CALN1: variants seen among roughly 807,000 people sequenced by gnomAD.
CALN1 encodes the protein calneuron 1, also known as calcium-binding protein 8.
A neutral mutation model predicts 30.6 loss-of-function variants in CALN1; 17 were observed. The ratio of observed to expected loss-of-function variants is 0.56; its 90% CI spans 0.38 to 0.83. The LOEUF is 0.83. Ranked by LOEUF, CALN1 falls within the 40% of genes least tolerant of loss-of-function variation. The pLI, the probability that CALN1 is intolerant of heterozygous loss-of-function variation, is 0.00. For missense variants in CALN1, 291 were observed against 354.9 expected (o/e 0.82, Z 1.45); for synonymous variants, 156 against 131.4 (o/e 1.19, Z -1.28).
At chr7:72,384,676 T>C (rs192818289) in intron 2 of CALN1, among the ~76,000 whole-genome samples, 20 of 151,896 alleles carry the variant, frequency 1.3e-4, no homozygotes, top group African/African-American at 4.6e-4. Flanking sequence ...AAATGGATCA[T>C]AGGCCTTAAT....
At chr7:72,140,109 A>G (rs1809789496) in intron 3 of CALN1, among the ~76,000 whole-genome samples, 1 of 151,952 alleles carries the variant, frequency 6.6e-6, no homozygotes, top group Non-Finnish European at 1.5e-5. Flanking sequence ...TGTCTCTGCA[A>G]TAAATTTAAA....
intron 3 of CALN1, among the ~76,000 whole-genome samples, chr7:72,135,738 G>A (rs943513101): frequency 6.6e-5 from 10 of 152,164 alleles, no homozygotes; most frequent in Non-Finnish European, 2.9e-5. Flanking sequence ...CAGCTGGACT[G>A]GCCCCTCACA....
At chr7:72,406,614 GCTTT>G (rs72358208) in intron 1 of CALN1, among the ~76,000 whole-genome samples, 2 of 59,884 alleles carry the variant, frequency 3.3e-5, no homozygotes, top group Non-Finnish European at 5.8e-5. Flanking sequence ...GTCCTTGTCA[GCTTT>G]TTTTTTTTTC....
At chr7:72,130,902 G>A (rs1381972842) in intron 3 of CALN1, among the ~76,000 whole-genome samples, 1 of 151,834 alleles carries the variant, frequency 6.6e-6, no homozygotes, top group Non-Finnish European at 1.5e-5. Flanking sequence ...GGTTATTTTT[G>A]AAGAGGCAAA....
chr7:72,251,813 A>G (rs988291668), intron 3 of CALN1, among the ~76,000 whole-genome samples: 1 of 152,186 alleles, frequency 6.6e-6, no homozygotes, highest in Non-Finnish European at 1.5e-5. Context: ...TGGTTGTAAT[A>G]CAGTACCATA....
In CALN1 at chr7:72,399,180, G is replaced by C. The variant is rs866989021; in HGVS notation, c.119+4071C>G. The stretch of plus-strand genomic sequence containing the variant: ...TCTGCAGTAACGTAGGCTGACAAAT[G>C]GGAGGACAATGGGCTGCAAGGCTGG... On this transcript the variant is annotated intron_variant, in intron 2 of 6. Coordinates refer to ENST00000395275, the MANE Select transcript of CALN1 (RefSeq NM_031468.4). Among the ~76,000 whole-genome samples, 3 of 152,110 alleles carry C rather than the reference G, an allele frequency of 2.0e-5. No individual in the cohort carries two copies. The South Asian group carries it at 6.2e-4, about 32-fold the overall frequency.
intron 2 of CALN1, among the ~76,000 whole-genome samples, chr7:72,345,709 T>C (rs916527683): frequency 6.6e-6 from 1 of 152,148 alleles, no homozygotes; most frequent in Non-Finnish European, 1.5e-5. Flanking sequence ...GTTGAACCTT[T>C]TGAAATACTA....
intron 3 of CALN1, among the ~76,000 whole-genome samples, chr7:72,143,008 A>C (rs1245248991): frequency 6.6e-6 from 1 of 152,186 alleles, no homozygotes; most frequent in African/African-American, 2.4e-5. Flanking sequence ...AGGTAGATAA[A>C]ACCACAAAGA....
chr7:72,247,886 T>G (rs1369092115), intron 3 of CALN1, among the ~76,000 whole-genome samples: 1 of 152,154 alleles, frequency 6.6e-6, no homozygotes, highest in East Asian at 1.9e-4. Context: ...TAGTCCCAGC[T>G]ACTTGGAAGG....
intron 3 of CALN1, among the ~76,000 whole-genome samples, chr7:72,205,654 G>A (rs1027944343): frequency 1.4e-5 from 2 of 142,912 alleles, no homozygotes; most frequent in African/African-American, 2.6e-5. Flanking sequence ...GGTTTATAAC[G>A]TTTTCCTTTT....
chr7:72,081,943 A>G (rs1395809765), intron 4 of CALN1, among the ~76,000 whole-genome samples: 1 of 152,090 alleles, frequency 6.6e-6, no homozygotes, highest in African/African-American at 2.4e-5. Context: ...GTTTTCATTC[A>G]TGGTAGACAT....
intron 3 of CALN1, among the ~76,000 whole-genome samples, chr7:72,150,424 T>C (rs955654670): frequency 4.6e-5 from 7 of 152,150 alleles, no homozygotes; most frequent in African/African-American, 1.4e-4. Context: ...ACAAGAAGAA[T>C]GTTTCAGATG....
At chr7:71,904,415 G>A (rs1015616529) in intron 5 of CALN1, among the ~76,000 whole-genome samples, 2 of 152,210 alleles carry the variant, frequency 1.3e-5, no homozygotes, top group African/African-American at 2.4e-5. Flanking sequence ...GGAACTAGAG[G>A]ACATTGTTAA....
At chr7:72,372,795 T>C (rs754114970) in intron 2 of CALN1, among the ~76,000 whole-genome samples, 12 of 152,178 alleles carry the variant, frequency 7.9e-5, no homozygotes, top group Non-Finnish European at 1.5e-4. Flanking sequence ...AATTCTACAT[T>C]ATCCATGACC....
At chr7:72,380,730 T>C (rs1474258075) in intron 2 of CALN1, among the ~76,000 whole-genome samples, 2 of 152,034 alleles carry the variant, frequency 1.3e-5, no homozygotes, top group African/African-American at 4.8e-5. Flanking sequence ...GATACATAGA[T>C]ACATAGATAG....
chr7:71,884,862 C>A (rs917589918), intron 5 of CALN1, among the ~76,000 whole-genome samples: 4 of 152,138 alleles, frequency 2.6e-5, no homozygotes, highest in African/African-American at 9.7e-5. Context: ...ATTAACGTAG[C>A]TAGATCTTTT....
intron 3 of CALN1, among the ~76,000 whole-genome samples, chr7:72,255,800 G>A (rs924167906): frequency 8.0e-5 from 12 of 150,392 alleles, no homozygotes; most frequent in Non-Finnish European, 1.8e-4. Flanking sequence ...GCGCAATCTC[G>A]GCTCACTGCA....
At chr7:72,149,622 T>G (rs1327758354) in intron 3 of CALN1, among the ~76,000 whole-genome samples, 1 of 152,164 alleles carries the variant, frequency 6.6e-6, no homozygotes, top group Non-Finnish European at 1.5e-5. Flanking sequence ...CCCCACACTT[T>G]AGACCATGCT....
chr7:72,240,358 C>G (rs1463328829), intron 3 of CALN1, among the ~76,000 whole-genome samples: 4 of 152,042 alleles, frequency 2.6e-5, no homozygotes, highest in Non-Finnish European at 5.9e-5. Flanking sequence ...CCGTGCCAGG[C>G]TAGTTTTTTA....
Sources: allele counts gnomAD v4.1 joint callset (sites outside exome capture counted in the v4.1 genomes callset), GRCh38; gene constraint gnomAD v4.1.1; transcripts MANE v1.5; gene names NCBI Gene and HGNC (gene_info 2026-07-23, HGNC 2026-07-21).